DLG1: variants seen among roughly 807,000 people sequenced by gnomAD.
The protein encoded by DLG1 is discs large MAGUK scaffold protein 1.
DLG1 carries 42 observed loss-of-function variants against 123.4 expected under a neutral mutation model. The ratio of observed to expected loss-of-function variants is 0.34; its 90% CI spans 0.27 to 0.44. DLG1 has a LOEUF of 0.44. DLG1 is among the 20% of genes least tolerant of loss of function. The pLI is 1.00. For synonymous variants in DLG1, 317 were observed against 356.2 expected, an observed-to-expected ratio of 0.89 and a Z score of 1.24; for missense variants, 942 against 1,082.6, an observed-to-expected ratio of 0.87 and a Z score of 1.82.
chr3:197,206,320 G>A (rs970038225), intron 4 of DLG1, among the ~76,000 whole-genome samples: 3 of 152,078 alleles, frequency 2.0e-5, no homozygotes, highest in African/African-American at 7.2e-5. Flanking sequence ...TTTCTTTTGA[G>A]ACAGGATCTC....
At chr3:197,062,319 C>T (rs1736408968) in intron 22 of DLG1, among the ~76,000 whole-genome samples, 1 of 152,092 alleles carries the variant, frequency 6.6e-6, no homozygotes, top group Non-Finnish European at 1.5e-5. Context: ...TACTGTTCTA[C>T]AAGTGAAAAA....
intron 4 of DLG1, among the ~76,000 whole-genome samples, chr3:197,211,761 A>ATATATATATATT (rs1210979506): frequency 6.8e-6 from 1 of 146,382 alleles, no homozygotes; most frequent in African/African-American, 2.4e-5. Flanking sequence ...CTGGTTATAT[A>ATATATATATATT]CCTAGAGGAA....
Position 197,121,457 on chromosome 3 carries a change from T to C in DLG1, c.1166-1927A>G, listed in dbSNP as rs572335280. ...AAAAGACTGGTGTCCAAATCAGAAGTAGCAAGGCCATGCAGCTAAAGAGAA... is the reference window on the plus strand; with the variant it reads ...AAAAGACTGGTGTCCAAATCAGAAGCAGCAAGGCCATGCAGCTAAAGAGAA... On this transcript the variant is annotated intron_variant, in intron 11 of 24. Coordinates refer to ENST00000667157, the MANE Select transcript of DLG1 (RefSeq NM_001366207.1). 2.2e-4 allele frequency among the ~76,000 whole-genome samples: 33 copies of C among 152,182 alleles called. No homozygotes were observed. The South Asian group carries it at 5.8e-3, about 27-fold the overall frequency.
rs557156998 is a variant in DLG1, at chr3:197,217,070, C to T, written c.319-22481G>A. 4.0e-4 allele frequency among the ~76,000 whole-genome samples: 61 copies of T among 152,278 alleles called. 1 individual carries two copies. The highest frequency in any genetic ancestry group is 2.7e-3 in the South Asian group (13 of 4,826). Reference sequence around the variant, plus strand: ...CAACTTAGGTTTAAAGGAAATGTAGCATTTTCATCCACTTAGTCATTAAAC... The same window carrying T: ...CAACTTAGGTTTAAAGGAAATGTAGTATTTTCATCCACTTAGTCATTAAAC... On this transcript the variant is annotated intron_variant, in intron 4 of 24. Transcript: ENST00000667157.
Position 197,283,600 on chromosome 3 carries a change from C to T in DLG1, c.152-755G>A, listed in dbSNP as rs190532126. On this transcript the variant is annotated intron_variant, in intron 3 of 24. Coordinates refer to ENST00000667157, the MANE Select transcript of DLG1 (RefSeq NM_001366207.1). ...AAAACTTATTAACACTAATTATTCC[C>T]GCTATTCCGAAGCTGTAAGTAGCAG... Among the ~76,000 whole-genome samples, 92 of 152,194 alleles carry T rather than the reference C, an allele frequency of 6.0e-4. 2 individuals carry two copies. In the East Asian group the frequency reaches 0.013, roughly 21 times the overall value.
intron 5 of DLG1, among the ~76,000 whole-genome samples, chr3:197,188,615 A>C (rs974932902): frequency 1.3e-5 from 2 of 152,212 alleles, no homozygotes; most frequent in Non-Finnish European, 2.9e-5. Flanking sequence ...ATTCTAAGAT[A>C]CTTTTTCAAA....
At chr3:197,184,531 T>C (rs945130849) in intron 5 of DLG1, among the ~76,000 whole-genome samples, 2 of 152,212 alleles carry the variant, frequency 1.3e-5, no homozygotes, top group African/African-American at 2.4e-5. Flanking sequence ...TCATTACAAA[T>C]GGATTTTCCT....
rs1416438976 is a variant in DLG1, at chr3:197,043,200, G to C, written c.*1423C>G. 1 of 152,158 alleles carries C rather than the reference G, an allele frequency of 6.6e-6. No individual in the cohort carries two copies. Among genetic ancestry groups the C allele is most frequent in the Non-Finnish European group, 1.5e-5 (1 of 68,018 alleles). 9.4% of individuals were successfully genotyped at this position (152,158 alleles called of 1,614,324 possible). A position where few individuals can be genotyped will look rare whatever the true frequency, so the allele number is the denominator to read the frequency against. Reference sequence around the variant, plus strand: ...TGAAGATTTGTGCAATTCTAGTGCAGAGCAGTGGATGAAAGCTGTCTGAGG... The same window carrying C: ...TGAAGATTTGTGCAATTCTAGTGCACAGCAGTGGATGAAAGCTGTCTGAGG... On this transcript the variant is annotated 3_prime_UTR_variant, in exon 25 of 25. Coordinates refer to ENST00000667157, the MANE Select transcript of DLG1 (RefSeq NM_001366207.1).
chr3:197,067,619 A>G (rs1260772716), intron 19 of DLG1, among the ~76,000 whole-genome samples: 1 of 133,228 alleles, frequency 7.5e-6, no homozygotes, highest in African/African-American at 3.0e-5. Flanking sequence ...GTGCAATGGC[A>G]TGATCTCAGC....
At position 197,065,791 on chromosome 3, in the gene DLG1, A is replaced by G. The variant is rs997668270; in HGVS notation, c.2117T>C (p.Val706Ala). The G allele has an allele frequency of 2.5e-6, 4 of 1,596,536 alleles. No homozygotes were observed. The highest frequency in any genetic ancestry group is 3.4e-6 in the Non-Finnish European group (4 of 1,166,270). Reference sequence around the variant, plus strand: ...GTCTTTCATAGGTCCCAATATGATCACTGGTCGAGTATAATTAACTATAAA... The same window carrying G: ...GTCTTTCATAGGTCCCAATATGATCGCTGGTCGAGTATAATTAACTATAAA... ...NQQEVNYTRP[V>A]IILGPMKDRI... Residue 706 changes from valine (V) to alanine (A), a missense_variant, in exon 21 of 25, where the codon GTG (valine) becomes GCG (alanine). Transcript: ENST00000667157.
At chr3:197,149,896 T>C in intron 5 of DLG1, 100 bp from the exon 6 acceptor site, 1 of 721,524 alleles carries the variant, frequency 1.4e-6, no homozygotes, top group South Asian at 1.7e-5. Context: ...ATTTCTTAAG[T>C]TATAATCTTA....
intron 4 of DLG1, among the ~76,000 whole-genome samples, chr3:197,258,483 A>T (rs1030301654): frequency 6.6e-6 from 1 of 152,120 alleles, no homozygotes; most frequent in Non-Finnish European, 1.5e-5. Context: ...CTCAACCCAC[A>T]TGCCTGTACT....
chr3:197,296,168 T>C (rs994042248), intron 3 of DLG1, among the ~76,000 whole-genome samples, 178 bp downstream of exon 3: 1 of 152,196 alleles, frequency 6.6e-6, no homozygotes, highest in Non-Finnish European at 1.5e-5. Flanking sequence ...AGTTTTTTGG[T>C]TACTAGTTAT....
chr3:197,184,585 G>C (rs1714653922), intron 5 of DLG1, among the ~76,000 whole-genome samples: 1 of 152,082 alleles, frequency 6.6e-6, no homozygotes, highest in Admixed American at 6.6e-5. Flanking sequence ...ATTAACAACT[G>C]GGTCTCAAGG....
In DLG1 at chr3:197,044,321, T is replaced by C. The variant is rs1721560785; in HGVS notation, c.*302A>G. 1 of 223,740 alleles carries C rather than the reference T, an allele frequency of 4.5e-6. No homozygotes were observed. Among genetic ancestry groups the C allele is most frequent in the South Asian group, 1.5e-4 (1 of 6,712 alleles). 13.9% of individuals were successfully genotyped at this position (223,740 alleles called of 1,614,324 possible). A position where few individuals can be genotyped will look rare whatever the true frequency, so the allele number is the denominator to read the frequency against. The stretch of plus-strand genomic sequence containing the variant: ...AAGCTTTTCCAAAAATCTCTTAAAG[T>C]TACTTTCCCTTAAACATTAAGGAAT... On this transcript the variant is annotated 3_prime_UTR_variant, in exon 25 of 25. Coordinates refer to ENST00000667157, the MANE Select transcript of DLG1 (RefSeq NM_001366207.1).
At chr3:197,090,273 G>A (rs941054545) in intron 15 of DLG1, among the ~76,000 whole-genome samples, 3 of 149,512 alleles carry the variant, frequency 2.0e-5, no homozygotes, top group African/African-American at 7.4e-5. Flanking sequence ...AATACATTCG[G>A]ATTTCTGTTT....
chr3:197,130,030 AT>A (rs1489096596), intron 11 of DLG1, among the ~76,000 whole-genome samples: 1 of 152,218 alleles, frequency 6.6e-6, no homozygotes, highest in Non-Finnish European at 1.5e-5. Flanking sequence ...AAGTGAGAAC[AT>A]GTTGCTGAAG....
In DLG1 at chr3:197,240,777, C is replaced by G. The variant is rs1362514716; in HGVS notation, c.318+41902G>C. On this transcript the variant is annotated intron_variant, in intron 4 of 24. Coordinates refer to ENST00000667157, the MANE Select transcript of DLG1 (RefSeq NM_001366207.1). ...GGAACTGAGAAATACACTTGCTGAA[C>G]TGATTCATTAGAGGCTCTTGACATA... Among the ~76,000 whole-genome samples, 2 of 92,354 alleles carry G rather than the reference C, an allele frequency of 2.2e-5. 1 individual carries two copies. Among genetic ancestry groups the G allele is most frequent in the South Asian group, 9.6e-4 (2 of 2,076 alleles). 60.6% of individuals were successfully genotyped at this position (92,354 alleles called of 152,430 possible). A position where few individuals can be genotyped will look rare whatever the true frequency, so the allele number is the denominator to read the frequency against.
At chr3:197,080,259 T>C (rs973657677) in intron 17 of DLG1, among the ~76,000 whole-genome samples, 1 of 139,472 alleles carries the variant, frequency 7.2e-6, no homozygotes, top group African/African-American at 2.6e-5. Flanking sequence ...AAAGAATTGA[T>C]ATATTTCCTT....
Sources: allele counts gnomAD v4.1 joint callset (sites outside exome capture counted in the v4.1 genomes callset), GRCh38; gene constraint gnomAD v4.1.1; transcripts MANE v1.5; gene names NCBI Gene and HGNC (gene_info 2026-07-23, HGNC 2026-07-21).